Variants in ERGIC1 observed in about 807,000 individuals in gnomAD.
The protein encoded by ERGIC1 is endoplasmic reticulum-Golgi intermediate compartment protein 1.
A neutral mutation model predicts 38.3 loss-of-function variants in ERGIC1; 19 were observed. The ratio of observed to expected loss-of-function variants is 0.50; its 90% CI spans 0.35 to 0.73. The LOEUF (loss-of-function observed/expected upper bound fraction) is 0.73, where lower values mean the gene tolerates loss of function less well. Ranked by LOEUF, ERGIC1 falls within the 30% of genes least tolerant of loss-of-function variation. ERGIC1 has a pLI of 0.01. For missense variants in ERGIC1, 294 were observed against 389.2 expected (o/e 0.76, Z 2.06); for synonymous variants, 124 against 157.6 (o/e 0.79, Z 1.60).
intron 1 of ERGIC1, among the ~76,000 whole-genome samples, chr5:172,856,284 A>G (rs1437817004): frequency 2.0e-5 from 3 of 152,166 alleles, no homozygotes; most frequent in Non-Finnish European, 4.4e-5. Context: ...AAACTTACTC[A>G]CAAGAAGCAA....
chr5:172,839,883 C>T, intron 1 of ERGIC1, among the ~76,000 whole-genome samples: 1 of 152,186 alleles, frequency 6.6e-6, no homozygotes, highest in South Asian at 2.1e-4. Context: ...GGAACACTGC[C>T]ATTTGGCACC....
At chr5:172,950,014 A>G (rs1365259750) in intron 9 of ERGIC1, among the ~76,000 whole-genome samples, 1 of 152,204 alleles carries the variant, frequency 6.6e-6, no homozygotes, top group Non-Finnish European at 1.5e-5. Context: ...CGGAGCTTGC[A>G]GTGAGCTGAG....
intron 1 of ERGIC1, among the ~76,000 whole-genome samples, chr5:172,861,341 G>A (rs959898474): frequency 1.3e-5 from 2 of 152,160 alleles, no homozygotes; most frequent in African/African-American, 4.8e-5. Flanking sequence ...TCAGACCCAC[G>A]TGTTCTCTTT....
intron 9 of ERGIC1, chr5:172,938,115 G>A (rs937114365): frequency 6.6e-6 from 1 of 152,188 alleles, no homozygotes; most frequent in Non-Finnish European, 1.5e-5. Flanking sequence ...TACCCTGAGG[G>A]GAGATGCACA....
chr5:172,890,015 T>G (rs2113269699), intron 2 of ERGIC1, among the ~76,000 whole-genome samples: 1 of 152,292 alleles, frequency 6.6e-6, no homozygotes, highest in African/African-American at 2.4e-5. Flanking sequence ...GTGGACTTAG[T>G]AACTCTATTT....
At chr5:172,861,041 C>T (rs897549918) in intron 1 of ERGIC1, among the ~76,000 whole-genome samples, 9 of 152,166 alleles carry the variant, frequency 5.9e-5, no homozygotes, top group African/African-American at 1.7e-4. Context: ...AATCCACCGC[C>T]GAAAACAAGC....
chr5:172,895,401 C>T (rs112351261), intron 2 of ERGIC1, among the ~76,000 whole-genome samples: 97 of 152,218 alleles, frequency 6.4e-4, no homozygotes, highest in African/African-American at 2.2e-3. Flanking sequence ...GGGGCCCCAG[C>T]GCAGTCCTTA....
intron 1 of ERGIC1, among the ~76,000 whole-genome samples, chr5:172,881,328 C>G (rs1762279088): frequency 6.6e-6 from 1 of 152,172 alleles, no homozygotes; most frequent in Admixed American, 6.5e-5. Context: ...GGTGTACTCA[C>G]CGCCCAGCTT....
In ERGIC1 at chr5:172,901,599, T is replaced by C. The variant is rs79579235; in HGVS notation, c.155+4525T>C. On this transcript the variant is annotated intron_variant, in intron 3 of 9. Transcript: ENST00000393784. ...TAGGTCAGCACTTTATTTTTATTTT[T>C]ATTTTTTGTTTGTTTGTTTTTTGAA... Among the ~76,000 whole-genome samples the C allele has an allele frequency of 3.6e-3, 547 of 152,152 alleles. 2 individuals are homozygous for C. Among genetic ancestry groups the C allele is most frequent in the African/African-American group, 0.013 (529 of 41,446 alleles).
intron 1 of ERGIC1, among the ~76,000 whole-genome samples, chr5:172,860,105 G>T (rs1361452979): frequency 6.6e-6 from 1 of 151,724 alleles, no homozygotes; most frequent in South Asian, 2.1e-4. Context: ...TTCTTTCACC[G>T]AACAGCATTG....
chr5:172,901,644 C>T (rs1413606072), intron 3 of ERGIC1, among the ~76,000 whole-genome samples: 2 of 152,036 alleles, frequency 1.3e-5, no homozygotes, highest in African/African-American at 4.8e-5. Context: ...CATTCTGTTG[C>T]CCGGGCTGGA....
At chr5:172,922,291 A>G (rs946311719) in intron 5 of ERGIC1, 1 of 152,290 alleles carries the variant, frequency 6.6e-6, no homozygotes, top group Non-Finnish European at 1.5e-5. Flanking sequence ...ATCAGATGAC[A>G]AAGTCAAAGG....
rs907088288 is a variant in ERGIC1 at position 172,837,018 on chromosome 5, G to T, written c.20+2585G>T. Among the ~76,000 whole-genome samples the T allele has an allele frequency of 3.9e-5, 6 of 152,182 alleles. No homozygotes were observed. The highest frequency in any genetic ancestry group is 7.2e-5 in the African/African-American group (3 of 41,440). On this transcript the variant is annotated intron_variant, in intron 1 of 9. Coordinates refer to ENST00000393784, the MANE Select transcript of ERGIC1 (RefSeq NM_001031711.3). This position sits in a 1 kb window ranked among gnomAD's most constrained non-coding sequence, Gnocchi z 4.3. Reference sequence around the variant, plus strand: ...AGATCTGGGAGAAAAGGGAGAGATTGGAGGGGCCCACCATCCTGTCAGCTC... The same window carrying T: ...AGATCTGGGAGAAAAGGGAGAGATTTGAGGGGCCCACCATCCTGTCAGCTC...
chr5:172,902,814 G>A (rs769802394), intron 3 of ERGIC1, among the ~76,000 whole-genome samples: 5 of 151,260 alleles, frequency 3.3e-5, no homozygotes, highest in Admixed American at 6.6e-5. Flanking sequence ...GTTTCCATTC[G>A]ATCAAATTTT....
chr5:172,888,428 C>G (rs1235425992), intron 1 of ERGIC1, among the ~76,000 whole-genome samples: 1 of 151,788 alleles, frequency 6.6e-6, no homozygotes. Context: ...CAACTGCACT[C>G]CAGCCTGGGT....
chr5:172,858,565 A>C (rs1478440152), intron 1 of ERGIC1, among the ~76,000 whole-genome samples: 2 of 152,196 alleles, frequency 1.3e-5, no homozygotes, highest in African/African-American at 4.8e-5. Flanking sequence ...AGTCATAGAC[A>C]CTCGGGGTGG....
intron 5 of ERGIC1, chr5:172,920,530 A>G: frequency 1.4e-6 from 1 of 698,700 alleles, no homozygotes; most frequent in Non-Finnish European, 2.7e-6. Context: ...TTTAAAATCC[A>G]TCAGAGACAC....
At chr5:172,891,104 C>T (rs1409478456) in intron 2 of ERGIC1, among the ~76,000 whole-genome samples, 2 of 152,244 alleles carry the variant, frequency 1.3e-5, no homozygotes, top group Non-Finnish European at 2.9e-5. Context: ...GTGTCTTGTG[C>T]AGGGCACGTA....
chr5:172,924,486 G>A (rs930964259), intron 6 of ERGIC1, among the ~76,000 whole-genome samples: 11 of 152,198 alleles, frequency 7.2e-5, no homozygotes, highest in African/African-American at 1.4e-4. Flanking sequence ...AATGGGAGCC[G>A]GCAGGTGGGG....
Sources: allele counts gnomAD v4.1 joint callset (sites outside exome capture counted in the v4.1 genomes callset), GRCh38; gene constraint gnomAD v4.1.1; non-coding constraint Gnocchi (gnomAD v3.1); transcripts MANE v1.5; gene names NCBI Gene and HGNC (gene_info 2026-07-23, HGNC 2026-07-21).